Variants in GPR158 observed in about 807,000 individuals in gnomAD.
The protein encoded by GPR158 is G protein-coupled receptor 158.
A neutral mutation model predicts 78.2 loss-of-function variants in GPR158; 30 were observed. The ratio of observed to expected loss-of-function variants is 0.38; its 90% CI spans 0.29 to 0.52. GPR158 has a LOEUF of 0.52. Ranked by LOEUF, GPR158 falls within the 20% of genes least tolerant of loss-of-function variation. The pLI, the probability that GPR158 is intolerant of heterozygous loss-of-function variation, is 0.83. For synonymous variants in GPR158, 581 were observed against 591.1 expected, an observed-to-expected ratio of 0.98 and a Z score of 0.25; for missense variants, 1,463 against 1,523.5, an observed-to-expected ratio of 0.96 and a Z score of 0.66.
intron 5 of GPR158, among the ~76,000 whole-genome samples, chr10:25,522,786 G>T (rs1470885391): frequency 2.0e-5 from 3 of 152,140 alleles, no homozygotes; most frequent in Non-Finnish European, 4.4e-5. Flanking sequence ...AGAAGACATG[G>T]GACTGTGAAG....
chr10:25,395,709 A>T (rs1233550825), intron 2 of GPR158, among the ~76,000 whole-genome samples: 2 of 152,280 alleles, frequency 1.3e-5, no homozygotes, highest in South Asian at 4.1e-4. Context: ...CTGTAATGGC[A>T]TAAATTTAGA....
At chr10:25,205,008 A>G (rs1423884268) in intron 1 of GPR158, among the ~76,000 whole-genome samples, 1 of 152,030 alleles carries the variant, frequency 6.6e-6, no homozygotes, top group Non-Finnish European at 1.5e-5. Flanking sequence ...ATGCTAGTGA[A>G]TAAGTCTCAT....
chr10:25,375,475 C>A (rs1047399775), intron 2 of GPR158, among the ~76,000 whole-genome samples: 1 of 149,334 alleles, frequency 6.7e-6, no homozygotes, highest in Non-Finnish European at 1.5e-5. Context: ...TCTTTTTTTT[C>A]TACAATTCTT....
intron 6 of GPR158, among the ~76,000 whole-genome samples, chr10:25,565,831 G>A (rs143580772): frequency 8.1e-4 from 124 of 152,192 alleles, no homozygotes; most frequent in African/African-American, 2.8e-3. Flanking sequence ...ACAGGGGACC[G>A]AGGGCAAGAA....
intron 7 of GPR158, among the ~76,000 whole-genome samples, chr10:25,578,164 G>T (rs74126244): frequency 6.6e-6 from 1 of 152,094 alleles, no homozygotes; most frequent in Non-Finnish European, 1.5e-5. Flanking sequence ...TTCTGAGTAC[G>T]TTTAAATATA....
At chr10:25,178,972 A>G (rs1852578189) in intron 1 of GPR158, among the ~76,000 whole-genome samples, 1 of 152,228 alleles carries the variant, frequency 6.6e-6, no homozygotes, top group Non-Finnish European at 1.5e-5. Flanking sequence ...ACCTCTGTAC[A>G]CAACCTGTGT....
At chr10:25,535,914 C>T (rs895310383) in intron 5 of GPR158, among the ~76,000 whole-genome samples, 5 of 152,158 alleles carry the variant, frequency 3.3e-5, no homozygotes, top group Admixed American at 3.3e-4. Context: ...AAGTAATCCT[C>T]ATATGTTAGT....
intron 2 of GPR158, among the ~76,000 whole-genome samples, chr10:25,316,723 T>C (rs1429692266): frequency 1.3e-5 from 2 of 152,216 alleles, no homozygotes; most frequent in Non-Finnish European, 2.9e-5. Context: ...TATATTGGTG[T>C]GTTTTTCTCT....
chr10:25,585,351 C>T (rs1048397862), intron 7 of GPR158, among the ~76,000 whole-genome samples: 18 of 152,070 alleles, frequency 1.2e-4, no homozygotes, highest in Admixed American at 9.8e-4. Context: ...CCTATGTGGG[C>T]AAAGGGAGAA....
At chr10:25,370,926 T>C (rs12249969) in intron 2 of GPR158, among the ~76,000 whole-genome samples, 120,008 of 149,700 alleles carry the variant, frequency 0.8, 49,119 homozygotes, top group Non-Finnish European at 0.86. Flanking sequence ...TAAGTAATGG[T>C]CTTCTTTGTC....
At chr10:25,548,398 T>C (rs1207288225) in intron 5 of GPR158, among the ~76,000 whole-genome samples, 1 of 152,192 alleles carries the variant, frequency 6.6e-6, no homozygotes, top group African/African-American at 2.4e-5. Context: ...GTGAGAATGG[T>C]AACTTTTAGA....
At chr10:25,197,309 A>T (rs2130650289) in intron 1 of GPR158, among the ~76,000 whole-genome samples, 1 of 152,344 alleles carries the variant, frequency 6.6e-6, no homozygotes, top group East Asian at 1.9e-4. Context: ...AGGGAGAATA[A>T]TACTGACCAT....
At chr10:25,248,141 T>G (rs1244461017) in intron 2 of GPR158, among the ~76,000 whole-genome samples, 5 of 152,052 alleles carry the variant, frequency 3.3e-5, no homozygotes, top group Non-Finnish European at 7.4e-5. Context: ...TTCATATCCT[T>G]CGCCCACTTT....
In GPR158 at chr10:25,420,352, T is replaced by C. The variant is rs529433914; in HGVS notation, c.1335+7879T>C. 3.3e-5 allele frequency among the ~76,000 whole-genome samples: 5 copies of C among 152,142 alleles called. No individual in the cohort carries two copies. In the South Asian group the frequency reaches 1.0e-3, roughly 32 times the overall value. ...TTTTTTTGTAGAGATGGAGTCTTGCTATGTTGCCGAGACTGGCCTCGAACT... is the reference window on the plus strand; with the variant it reads ...TTTTTTTGTAGAGATGGAGTCTTGCCATGTTGCCGAGACTGGCCTCGAACT... On this transcript the variant is annotated intron_variant, in intron 4 of 10. Transcript: ENST00000376351.
intron 2 of GPR158, among the ~76,000 whole-genome samples, chr10:25,306,561 G>A (rs561973261): frequency 6.6e-6 from 1 of 152,092 alleles, no homozygotes; most frequent in Non-Finnish European, 1.5e-5. Flanking sequence ...ATGCATGCAT[G>A]TATGTATATG....
intron 4 of GPR158, among the ~76,000 whole-genome samples, chr10:25,462,433 T>C (rs527596569): frequency 1.9e-4 from 29 of 152,346 alleles, no homozygotes; most frequent in Non-Finnish European, 4.0e-4. Flanking sequence ...GCATTCATTC[T>C]GCTGCCCATG....
At position 25,176,439 on chromosome 10, in the gene GPR158, T is replaced by G; in HGVS notation, c.902+117T>G. On this transcript the variant is annotated intron_variant, in intron 1 of 10. Coordinates refer to ENST00000376351, the MANE Select transcript of GPR158 (RefSeq NM_020752.3). The surrounding 1 kb of genome is among the most constrained non-coding windows in gnomAD (Gnocchi z 6.3). Reference sequence around the variant, plus strand: ...GCTGTGACGCGAACGCTTCTCACCCTCAGAGTAGAGACCCGGGCTGAGGGA... The same window carrying G: ...GCTGTGACGCGAACGCTTCTCACCCGCAGAGTAGAGACCCGGGCTGAGGGA... 1 of 862,850 alleles carries G rather than the reference T, an allele frequency of 1.2e-6. No individual in the cohort carries two copies. Among genetic ancestry groups the G allele is most frequent in the Non-Finnish European group, 1.7e-6 (1 of 576,410 alleles). 53.4% of individuals were successfully genotyped at this position (862,850 alleles called of 1,614,324 possible). A position where few individuals can be genotyped will look rare whatever the true frequency, so the allele number is the denominator to read the frequency against.
At chr10:25,215,523 T>C (rs1853197309) in intron 1 of GPR158, among the ~76,000 whole-genome samples, 1 of 152,054 alleles carries the variant, frequency 6.6e-6, no homozygotes, top group Admixed American at 6.5e-5. Context: ...GTGTTATGTA[T>C]ATTTTACCAC....
chr10:25,511,936 C>A (rs1836092197), intron 5 of GPR158, among the ~76,000 whole-genome samples: 1 of 152,000 alleles, frequency 6.6e-6, no homozygotes, highest in Non-Finnish European at 1.5e-5. Flanking sequence ...GGGATTATGG[C>A]CTTACAGTAT....
Sources: gnomAD v4.1 joint callset for allele counts (sites outside exome capture counted in the v4.1 genomes callset) on GRCh38, gnomAD v4.1.1 for gene constraint, Gnocchi (gnomAD v3.1) non-coding constraint, MANE v1.5 for transcripts, NCBI Gene and HGNC (gene_info 2026-07-23, HGNC 2026-07-21) for gene names.